Variants in FRRS1L observed in about 807,000 individuals in gnomAD.
FRRS1L encodes ferric chelate reductase 1 like, also known as DOMON domain-containing protein FRRS1L.
In FRRS1L, 22 loss-of-function variants were observed where a neutral mutation model predicts 28.6. That is an observed-to-expected ratio of 0.77 (90% CI 0.55 to 1.10). FRRS1L has a LOEUF of 1.10. Ranked by LOEUF, FRRS1L falls within the 50% of genes least tolerant of loss-of-function variation. The probability of loss-of-function intolerance (pLI) is 0.00; values close to 1 mark genes in which losing one functional copy is unlikely to be tolerated. For synonymous variants in FRRS1L, 158 were observed against 151.4 expected (o/e 1.04, Z -0.32); for missense variants, 380 against 386.9 (o/e 0.98, Z 0.15).
In FRRS1L at chr9:109,147,198, G is replaced by C; in HGVS notation, c.324-9C>G. 6.2e-7 allele frequency: 1 copy of C among 1,609,300 alleles called. No homozygotes were observed. Among genetic ancestry groups the C allele is most frequent in the Non-Finnish European group, 8.5e-7 (1 of 1,176,130 alleles). ...AGCCTGGTTTGCCATATCTAGAAGA[G>C]ATATCGAAAGAGACTTTACTGCTTC... On this transcript the variant is annotated splice_polypyrimidine_tract_variant and intron_variant, in intron 2 of 4. Transcript: ENST00000561981.
At position 109,149,634 on chromosome 9, in the gene FRRS1L, A is replaced by G. The variant is rs1831305400; in HGVS notation, c.323+2T>C. ...AGTTATCCAACCTGCAGTTCCACCAACCTAAAGCATCCCTTAGTTTTTCCA... is the reference window on the plus strand; with the variant it reads ...AGTTATCCAACCTGCAGTTCCACCAGCCTAAAGCATCCCTTAGTTTTTCCA... On this transcript the variant is annotated splice_donor_variant, in intron 2 of 4. Coordinates refer to ENST00000561981, the MANE Select transcript of FRRS1L (RefSeq NM_014334.4). LOFTEE classifies it high-confidence loss of function. 4 of 1,604,118 alleles carry G rather than the reference A, an allele frequency of 2.5e-6. No individual in the cohort carries two copies. The South Asian group carries it at 4.4e-5, about 18-fold the overall frequency.
intron 2 of FRRS1L, 191 bp from the exon 3 acceptor site, chr9:109,147,380 C>T: frequency 1.8e-6 from 1 of 562,918 alleles, no homozygotes; most frequent in Non-Finnish European, 3.1e-6. Flanking sequence ...CCACTTTGTA[C>T]ACAAGAACTG....
intron 1 of FRRS1L, among the ~76,000 whole-genome samples, chr9:109,156,614 C>T (rs1271678340): frequency 6.6e-6 from 1 of 151,538 alleles, no homozygotes. Context: ...TGGTCTCAAT[C>T]CCCTGACCTC....
Position 109,167,194 on chromosome 9 carries a change from G to T in FRRS1L, c.-56C>A. On this transcript the variant is annotated 5_prime_UTR_variant, in exon 1 of 5. Coordinates refer to ENST00000561981, the MANE Select transcript of FRRS1L (RefSeq NM_014334.4). The stretch of plus-strand genomic sequence containing the variant: ...TCGGGCCGCAGCGGGGGCGCCGCGG[G>T]CGCGGGCCGGGACTGAGCCTCCGCC... 2.6e-6 allele frequency: 3 copies of T among 1,173,702 alleles called. No homozygotes were observed. Among genetic ancestry groups the T allele is most frequent in the Non-Finnish European group, 3.1e-6 (3 of 953,188 alleles). 72.7% of individuals were successfully genotyped at this position (1,173,702 alleles called of 1,614,324 possible).
chr9:109,154,350 G>A (rs1831377448), intron 1 of FRRS1L, among the ~76,000 whole-genome samples: 1 of 152,054 alleles, frequency 6.6e-6, no homozygotes. Context: ...CAATTCCCTG[G>A]GCTGGTCTTT....
At chr9:109,163,579 G>A (rs1237585089) in intron 1 of FRRS1L, among the ~76,000 whole-genome samples, 1 of 152,174 alleles carries the variant, frequency 6.6e-6, no homozygotes, top group African/African-American at 2.4e-5. Flanking sequence ...AGGGTTTTGG[G>A]CAATCTGGAT....
chr9:109,147,031 T>G lies in FRRS1L; in HGVS notation c.462+20A>C. On this transcript the variant is annotated intron_variant, in intron 3 of 4. Coordinates refer to ENST00000561981, the MANE Select transcript of FRRS1L (RefSeq NM_014334.4). ...CAACTAAAGAGAAAAAATCAGCTTC[T>G]ATCATGTTTTGCATCTTACCATTTT... is the stretch of plus-strand genomic sequence containing the variant. The G allele has an allele frequency of 1.2e-6, 2 of 1,610,416 alleles. No individual in the cohort carries two copies. The highest frequency in any genetic ancestry group is 1.7e-6 in the Non-Finnish European group (2 of 1,177,116).
At chr9:109,160,296 T>C (rs963272126) in intron 1 of FRRS1L, among the ~76,000 whole-genome samples, 2 of 152,218 alleles carry the variant, frequency 1.3e-5, no homozygotes, top group Non-Finnish European at 2.9e-5. Context: ...ATGTTTCTTA[T>C]CTTAGTGGAT....
intron 3 of FRRS1L, among the ~76,000 whole-genome samples, chr9:109,144,889 T>G (rs1292134476): frequency 6.6e-6 from 1 of 152,144 alleles, no homozygotes; most frequent in African/African-American, 2.4e-5. Flanking sequence ...TTCACTATGT[T>G]GGCCAGGCTG....
intron 1 of FRRS1L, among the ~76,000 whole-genome samples, chr9:109,158,331 A>C (rs1251401005): frequency 6.6e-6 from 1 of 152,100 alleles, no homozygotes; most frequent in Non-Finnish European, 1.5e-5. Flanking sequence ...TTTCATTTTT[A>C]GTAAGCTCTA....
chr9:109,145,720 A>T (rs1831250368), intron 3 of FRRS1L, among the ~76,000 whole-genome samples: 1 of 151,610 alleles, frequency 6.6e-6, no homozygotes. Context: ...TCTAAAAAAT[A>T]AAAAAAACCC....
chr9:109,164,410 T>TC (rs1405502545), intron 1 of FRRS1L, among the ~76,000 whole-genome samples: 1 of 151,046 alleles, frequency 6.6e-6, no homozygotes, highest in African/African-American at 2.4e-5. Context: ...TTTTTTTTTT[T>TC]TTTTGAGACC....
Position 109,150,549 on chromosome 9 carries a change from C to G in FRRS1L, c.239-829G>C, listed in dbSNP as rs1588100628. ...AATTCTTTAAACACATAATTTCTAA[C>G]AGTTGTCTATCTTTCTTATAAGATT... is the stretch of plus-strand genomic sequence containing the variant. On this transcript the variant is annotated intron_variant, in intron 1 of 4. Transcript: ENST00000561981. 2.0e-5 allele frequency: 3 copies of G among 152,306 alleles called. No individual in the cohort carries two copies. The Middle Eastern group carries it at 0.01, about 518-fold the overall frequency. 9.4% of individuals were successfully genotyped at this position (152,306 alleles called of 1,614,324 possible).
rs1418441373 is a variant in FRRS1L, at chr9:109,167,028, C to T, written c.111G>A (p.Pro37=). ...CGCGTCCCCGGGGTCCCCGGCCCCC[C>T]GGGCCCGCACCGTCGTCCGCGGGGC... The part of the protein sequence containing the change: ...AASPADDGAG[P]GGRGPRGRAR... The change falls in exon 1 of 5, where the codon CCG becomes CCA. Residue 37 remains proline, a synonymous_variant. Coordinates refer to ENST00000561981, the MANE Select transcript of FRRS1L (RefSeq NM_014334.4). 2.5e-6 allele frequency: 3 copies of T among 1,207,798 alleles called. No homozygotes were observed. Among genetic ancestry groups the T allele is most frequent in the Admixed American group, 4.5e-5 (1 of 22,394 alleles). 74.8% of individuals were successfully genotyped at this position (1,207,798 alleles called of 1,614,324 possible). A position where few individuals can be genotyped will look rare whatever the true frequency, so the allele number is the denominator to read the frequency against.
intron 1 of FRRS1L, among the ~76,000 whole-genome samples, chr9:109,161,751 T>C (rs16913858): frequency 0.29 from 44,671 of 152,130 alleles, 7,333 homozygotes; most frequent in African/African-American, 0.43. Flanking sequence ...CTTGATTCCT[T>C]GAAGTTTAAG....
At chr9:109,166,118 G>A (rs1047975743) in intron 1 of FRRS1L, among the ~76,000 whole-genome samples, 1 of 152,194 alleles carries the variant, frequency 6.6e-6, no homozygotes, top group Non-Finnish European at 1.5e-5. Flanking sequence ...TTGATGGTTG[G>A]ATATCCCTCT....
intron 1 of FRRS1L, among the ~76,000 whole-genome samples, chr9:109,164,396 ATT>A (rs61154383): frequency 6.8e-4 from 91 of 134,708 alleles, no homozygotes; most frequent in African/African-American, 1.9e-3. Context: ...GAGCAGGTTG[ATT>A]TTTTTTTTTT....
At chr9:109,143,263 C>T (rs1348881814) in intron 3 of FRRS1L, among the ~76,000 whole-genome samples, 3 of 151,694 alleles carry the variant, frequency 2.0e-5, no homozygotes, top group East Asian at 3.9e-4. Context: ...TGCAGTGAGC[C>T]GAAATAGTGC....
chr9:109,155,240 T>G (rs1831389615), intron 1 of FRRS1L, among the ~76,000 whole-genome samples: 1 of 152,254 alleles, frequency 6.6e-6, no homozygotes, highest in Non-Finnish European at 1.5e-5. Flanking sequence ...AATATATCAC[T>G]TGTGTATGTT....
Sources: allele counts gnomAD v4.1 joint callset (sites outside exome capture counted in the v4.1 genomes callset), GRCh38; gene constraint gnomAD v4.1.1; transcripts MANE v1.5; gene names NCBI Gene and HGNC (gene_info 2026-07-23, HGNC 2026-07-21).